Variants in ARPC1A observed in about 807,000 individuals in gnomAD.
The protein encoded by ARPC1A is actin related protein 2/3 complex subunit 1A.
Under a neutral mutation model 46.9 loss-of-function variants are expected in ARPC1A, and 8 were observed. The ratio of observed to expected loss-of-function variants is 0.17; its 90% CI spans 0.10 to 0.31. The LOEUF is 0.31. Among genes scored for constraint, ARPC1A ranks in the 10% least tolerant of loss-of-function variants. The probability of loss-of-function intolerance (pLI) is 1.00; values close to 1 mark genes in which losing one functional copy is unlikely to be tolerated. For synonymous variants in ARPC1A, 152 were observed against 169.0 expected (o/e 0.90, Z 0.78); for missense variants, 286 against 483.6 (o/e 0.59, Z 3.83).
intron 4 of ARPC1A, among the ~76,000 whole-genome samples, chr7:99,345,632 T>G (rs966231702): frequency 3.3e-5 from 5 of 151,656 alleles, no homozygotes. Context: ...CACTCCAGCC[T>G]GGGCGGCAAA....
intron 3 of ARPC1A, among the ~76,000 whole-genome samples, chr7:99,339,219 TC>T (rs1793318789): frequency 6.6e-6 from 1 of 152,128 alleles, no homozygotes. Context: ...ACCATTCCAG[TC>T]CATTTTTAAT....
intron 5 of ARPC1A, among the ~76,000 whole-genome samples, chr7:99,352,683 G>T (rs985378797): frequency 6.7e-6 from 1 of 149,804 alleles, no homozygotes; most frequent in African/African-American, 2.5e-5. Flanking sequence ...TGGAGCGGGG[G>T]ATCAGGTGTG....
rs143965860 is a variant in ARPC1A at position 99,330,297 on chromosome 7, C to T, written c.-29-3028C>T. Among the ~76,000 whole-genome samples, 1,350 of 149,054 alleles carry T rather than the reference C, an allele frequency of 9.1e-3. 22 individuals carry two copies. The highest frequency in any genetic ancestry group is 0.032 in the African/African-American group (1,301 of 40,128). On this transcript the variant is annotated intron_variant, in intron 1 of 9. Transcript: ENST00000262942. ...TTAAAGTTGCACTTACCTTTGGGTT[C>T]CCCCCCCCTTTTTGTTTGTTTGTTT...
At chr7:99,340,619 A>G (rs1232062311) in intron 3 of ARPC1A, among the ~76,000 whole-genome samples, 1 of 152,106 alleles carries the variant, frequency 6.6e-6, no homozygotes, top group Non-Finnish European at 1.5e-5. Context: ...ATTTTTTTGT[A>G]AAGATAGATT....
chr7:99,350,770 T>C (rs1314064451), intron 5 of ARPC1A, among the ~76,000 whole-genome samples: 1 of 150,844 alleles, frequency 6.6e-6, no homozygotes, highest in Admixed American at 6.7e-5. Context: ...CTCAGTCTCC[T>C]GAGTAGCTGG....
chr7:99,361,184 T>C (rs1031360194), intron 8 of ARPC1A, among the ~76,000 whole-genome samples: 2 of 152,064 alleles, frequency 1.3e-5, no homozygotes, highest in Admixed American at 6.6e-5. Flanking sequence ...GTATATAAAA[T>C]AGGCTGCAAA....
chr7:99,355,719 G>A (rs1793616395), intron 6 of ARPC1A, among the ~76,000 whole-genome samples: 1 of 152,010 alleles, frequency 6.6e-6, no homozygotes, highest in Non-Finnish European at 1.5e-5. Context: ...ACTCCAGCCT[G>A]GGCAACAGAG....
rs760767081 is a variant in ARPC1A at position 99,358,467 on chromosome 7, A to G, written c.789+52A>G. 1.2e-5 allele frequency: 18 copies of G among 1,520,696 alleles called. No individual in the cohort carries two copies. In the South Asian group the frequency reaches 1.7e-4, roughly 14 times the overall value. 94.2% of individuals were successfully genotyped at this position (1,520,696 alleles called of 1,614,324 possible). A position where few individuals can be genotyped will look rare whatever the true frequency, so the allele number is the denominator to read the frequency against. On this transcript the variant is annotated intron_variant, in intron 7 of 9. Coordinates refer to ENST00000262942, the MANE Select transcript of ARPC1A (RefSeq NM_006409.4). ...GGGGTGCACTGTATGTGATGCTCAG[A>G]CAGGGAACAATGTGTGCTCTGTCAC...
intron 8 of ARPC1A, 197 bp downstream of exon 8, chr7:99,359,935 C>A: frequency 1.6e-6 from 1 of 640,966 alleles, no homozygotes; most frequent in Non-Finnish European, 2.7e-6. Flanking sequence ...GAGTCGCCAC[C>A]ACCTGGTCAT....
intron 6 of ARPC1A, among the ~76,000 whole-genome samples, chr7:99,357,769 C>A (rs1215957012): frequency 6.6e-6 from 1 of 152,220 alleles, no homozygotes; most frequent in Non-Finnish European, 1.5e-5. Context: ...CATGTCCCTG[C>A]AGGCACACAT....
At chr7:99,332,326 G>A (rs1369740755) in intron 1 of ARPC1A, among the ~76,000 whole-genome samples, 1 of 152,222 alleles carries the variant, frequency 6.6e-6, no homozygotes, top group Non-Finnish European at 1.5e-5. Context: ...AAGTGACGAT[G>A]TGTACTTCAT....
In ARPC1A at chr7:99,363,644, C is replaced by T. The variant is rs1562804341; in HGVS notation, c.1074+11C>T. 6.4e-7 allele frequency: 1 copy of T among 1,574,130 alleles called. No individual in the cohort carries two copies. The highest frequency in any genetic ancestry group is 1.4e-5 in the African/African-American group (1 of 72,332). ...ATTTGGGATTTCAAGGTATTTTCTACCTAACAGAACAAATTTTGTTTGTGT... is the reference window on the plus strand; with the variant it reads ...ATTTGGGATTTCAAGGTATTTTCTATCTAACAGAACAAATTTTGTTTGTGT... On this transcript the variant is annotated intron_variant, in intron 9 of 9. Coordinates refer to ENST00000262942, the MANE Select transcript of ARPC1A (RefSeq NM_006409.4).
intron 1 of ARPC1A, among the ~76,000 whole-genome samples, chr7:99,329,502 C>T (rs570230339): frequency 3.2e-4 from 48 of 152,306 alleles, no homozygotes; most frequent in Non-Finnish European, 4.3e-4. Context: ...TTAGGAATTT[C>T]TTCTGCATTC....
chr7:99,343,283 T>C (rs1422194539), intron 3 of ARPC1A, among the ~76,000 whole-genome samples: 1 of 151,858 alleles, frequency 6.6e-6, no homozygotes, highest in Non-Finnish European at 1.5e-5. Flanking sequence ...CTGGTCAACA[T>C]GGTGAAACCC....
chr7:99,354,829 A>G (rs1046813906), intron 6 of ARPC1A, among the ~76,000 whole-genome samples: 3 of 151,946 alleles, frequency 2.0e-5, no homozygotes, highest in Non-Finnish European at 4.4e-5. Context: ...TAAAAATACA[A>G]AAATTAGCCG....
At chr7:99,360,068 G>C (rs745651349) in intron 8 of ARPC1A, 1 of 381,116 alleles carries the variant, frequency 2.6e-6, no homozygotes, top group Non-Finnish European at 4.9e-6. Flanking sequence ...TCAGCTACTC[G>C]AGAACAAAAG....
At chr7:99,363,969 T>G (rs1793783311) in intron 9 of ARPC1A, among the ~76,000 whole-genome samples, 1 of 152,214 alleles carries the variant, frequency 6.6e-6, no homozygotes, top group Non-Finnish European at 1.5e-5. Flanking sequence ...TTTTCTTTCT[T>G]TTTGAGATGG....
rs536919372 is a variant in ARPC1A at position 99,335,140 on chromosome 7, G to A, written c.64+1723G>A. Among the ~76,000 whole-genome samples, 46 of 151,680 alleles carry A rather than the reference G, an allele frequency of 3.0e-4. 1 individual carries two copies. The highest frequency in any genetic ancestry group is 9.7e-4 in the African/African-American group (40 of 41,396). On this transcript the variant is annotated intron_variant, in intron 2 of 9. Transcript: ENST00000262942. Reference sequence around the variant, plus strand: ...ATTACAGGTGTAAGCCACTGCGCCCGGCCCACACCTGGCTAATTTTTGTAT... The same window carrying A: ...ATTACAGGTGTAAGCCACTGCGCCCAGCCCACACCTGGCTAATTTTTGTAT...
chr7:99,364,864 C>T (rs554981669), intron 9 of ARPC1A, among the ~76,000 whole-genome samples: 1 of 152,004 alleles, frequency 6.6e-6, no homozygotes, highest in Non-Finnish European at 1.5e-5. Context: ...GAGGTGGATA[C>T]GGGGGCTGGG....
Sources: allele counts gnomAD v4.1 joint callset (sites outside exome capture counted in the v4.1 genomes callset), GRCh38; gene constraint gnomAD v4.1.1; transcripts MANE v1.5; gene names NCBI Gene and HGNC (gene_info 2026-07-23, HGNC 2026-07-21).